NRG1: variants seen among roughly 807,000 people sequenced by gnomAD.
NRG1 encodes neuregulin 1.
In NRG1, 18 loss-of-function variants were observed where a neutral mutation model predicts 63.8. The observed-to-expected ratio is 0.28, with a 90% CI of 0.19 to 0.42. The LOEUF (loss-of-function observed/expected upper bound fraction) is 0.42, where lower values mean the gene tolerates loss of function less well. Among genes scored for constraint, NRG1 ranks in the 10% least tolerant of loss-of-function variants. The pLI is 1.00. For missense variants in NRG1, 762 were observed against 814.7 expected (o/e 0.94, Z 0.79); for synonymous variants, 302 against 301.3 (o/e 1.00, Z -0.02).
At chr8:31,888,434 C>A (rs1164525877) in intron 1 of NRG1, among the ~76,000 whole-genome samples, 1 of 151,630 alleles carries the variant, frequency 6.6e-6, no homozygotes, top group South Asian at 2.1e-4. Flanking sequence ...ATTTTTTTTT[C>A]TTTTCTTGAC....
At chr8:31,854,737 T>C (rs1827658101) in intron 1 of NRG1, among the ~76,000 whole-genome samples, 1 of 152,236 alleles carries the variant, frequency 6.6e-6, no homozygotes, top group South Asian at 2.1e-4. Flanking sequence ...CTCCTTTCTC[T>C]TGTGGGCATT....
At chr8:31,661,082 C>T (rs931174058) in intron 1 of NRG1, among the ~76,000 whole-genome samples, 5 of 152,134 alleles carry the variant, frequency 3.3e-5, no homozygotes, top group Non-Finnish European at 5.9e-5. Flanking sequence ...TTTCCCCAAA[C>T]AGTTTATATA....
intron 1 of NRG1, among the ~76,000 whole-genome samples, chr8:31,963,120 T>A (rs1295293174): frequency 1.3e-5 from 2 of 152,226 alleles, no homozygotes; most frequent in Non-Finnish European, 2.9e-5. Flanking sequence ...TTGATTACAA[T>A]CATCTGTCAA....
chr8:31,881,155 G>T (rs926090207), intron 1 of NRG1, among the ~76,000 whole-genome samples: 1 of 152,108 alleles, frequency 6.6e-6, no homozygotes, highest in Admixed American at 6.5e-5. Context: ...TGCAGATATT[G>T]TGTTTTTTAC....
At chr8:32,761,429 T>G (rs1008037756) in intron 11 of NRG1, among the ~76,000 whole-genome samples, 1 of 152,050 alleles carries the variant, frequency 6.6e-6, no homozygotes, top group Non-Finnish European at 1.5e-5. Context: ...TCCAATAAAA[T>G]AACACATTCT....
chr8:32,754,218 G>T (rs1829250575), intron 7 of NRG1, 154 bp from the exon 8 acceptor site: 1 of 666,852 alleles, frequency 1.5e-6, no homozygotes, highest in East Asian at 2.8e-5. Context: ...AGAGCATGTT[G>T]TACCTTAGCT....
chr8:31,829,789 A>G (rs951383328), intron 1 of NRG1, among the ~76,000 whole-genome samples: 2 of 152,116 alleles, frequency 1.3e-5, no homozygotes, highest in African/African-American at 4.8e-5. Flanking sequence ...TGTTTTATGG[A>G]GATTGGCTAG....
At chr8:32,604,241 T>C (rs1378143773) in intron 2 of NRG1, among the ~76,000 whole-genome samples, 3 of 151,932 alleles carry the variant, frequency 2.0e-5, no homozygotes, top group Admixed American at 1.3e-4. Context: ...AGGACCCCCA[T>C]TGTAGGAAGA....
At chr8:31,758,687 T>A (rs942997633) in intron 1 of NRG1, among the ~76,000 whole-genome samples, 2 of 152,130 alleles carry the variant, frequency 1.3e-5, no homozygotes, top group African/African-American at 4.8e-5. Flanking sequence ...CAATGGATAT[T>A]TGGGTTGTTT....
At chr8:32,565,340 C>G (rs11784378) in intron 1 of NRG1, among the ~76,000 whole-genome samples, 30,313 of 152,000 alleles carry the variant, frequency 0.2, 3,815 homozygotes, top group Admixed American at 0.33. Context: ...CTAGGCTGCT[C>G]TCAAACTCCT....
intron 5 of NRG1, among the ~76,000 whole-genome samples, chr8:32,645,331 G>A (rs1449741047): frequency 3.9e-5 from 6 of 152,176 alleles, no homozygotes; most frequent in Admixed American, 3.3e-4. Context: ...ACCATTTACT[G>A]TGCAGATTAT....
intron 1 of NRG1, among the ~76,000 whole-genome samples, chr8:32,225,682 G>A (rs577009720): frequency 5.6e-4 from 85 of 152,166 alleles, no homozygotes; most frequent in African/African-American, 2.0e-3. Context: ...AGAGTAATAT[G>A]GGAAATAAAA....
chr8:31,714,549 G>A (rs149412852), intron 1 of NRG1, among the ~76,000 whole-genome samples: 50 of 152,196 alleles, frequency 3.3e-4, no homozygotes, highest in East Asian at 3.3e-3. Flanking sequence ...ACCATAAAAT[G>A]CTTGAATTTA....
chr8:32,280,681 TTTTTTTTTTG>T (rs958177862), intron 1 of NRG1, among the ~76,000 whole-genome samples: 42 of 89,324 alleles, frequency 4.7e-4, no homozygotes, highest in African/African-American at 1.2e-3. Context: ...CTGAATTAGG[TTTTTTTTTTG>T]TTTTTTTTTT....
chr8:31,965,231 T>A (rs1295117726), intron 1 of NRG1, among the ~76,000 whole-genome samples: 4 of 152,040 alleles, frequency 2.6e-5, no homozygotes, highest in Admixed American at 6.5e-5. Context: ...TCTTTTATTT[T>A]TTTTTTTTTG....
chr8:32,079,594 G>A (rs1359077976), intron 1 of NRG1, among the ~76,000 whole-genome samples: 1 of 151,972 alleles, frequency 6.6e-6, no homozygotes, highest in Admixed American at 6.6e-5. Context: ...ATAATGGCAG[G>A]ATTCATATCA....
chr8:31,661,516 A>G lies in NRG1; in HGVS notation c.37+22085A>G, dbSNP rs148621804. ...TTAGGGAAATATGAGTTCTTCTTTCATAAACTCTGATGATTATTTTGATTC... is the reference window on the plus strand; with the variant it reads ...TTAGGGAAATATGAGTTCTTCTTTCGTAAACTCTGATGATTATTTTGATTC... On this transcript the variant is annotated intron_variant, in intron 1 of 10. Transcript: ENST00000519301. Among the ~76,000 whole-genome samples the G allele has an allele frequency of 4.9e-3, 745 of 152,320 alleles. 6 individuals carry two copies. The highest frequency in any genetic ancestry group is 0.017 in the African/African-American group (704 of 41,564).
intron 1 of NRG1, among the ~76,000 whole-genome samples, chr8:32,208,889 T>A (rs1586098966): frequency 6.6e-6 from 1 of 152,314 alleles, no homozygotes; most frequent in East Asian, 1.9e-4. Flanking sequence ...CTGTTTTTGA[T>A]AATTTTTGTT....
At chr8:32,412,410 C>T (rs1441552830) in intron 1 of NRG1, among the ~76,000 whole-genome samples, 3 of 81,856 alleles carry the variant, frequency 3.7e-5, no homozygotes, top group Non-Finnish European at 8.4e-5. Context: ...CTCTCTCTCT[C>T]TCTCTCTCTC....
Sources: allele counts gnomAD v4.1 joint callset (sites outside exome capture counted in the v4.1 genomes callset), GRCh38; gene constraint gnomAD v4.1.1; transcripts MANE v1.5; gene names NCBI Gene and HGNC (gene_info 2026-07-23, HGNC 2026-07-21).